CNTN5: variants seen among roughly 807,000 people sequenced by gnomAD.
The protein encoded by CNTN5 is contactin 5.
Under a neutral mutation model 129.1 loss-of-function variants are expected in CNTN5, and 77 were observed. That is an observed-to-expected ratio of 0.60 (90% CI 0.50 to 0.72). CNTN5 has a LOEUF of 0.72. CNTN5 is among the 30% of genes least tolerant of loss of function. The pLI is 0.00. For synonymous variants in CNTN5, 509 were observed against 465.6 expected (o/e 1.09, Z -1.20); for missense variants, 1,478 against 1,328.8 (o/e 1.11, Z -1.75).
chr11:99,706,273 C>T (rs946421837), intron 3 of CNTN5, among the ~76,000 whole-genome samples: 9 of 151,288 alleles, frequency 5.9e-5, no homozygotes, highest in African/African-American at 1.9e-4. Context: ...CTGTATTATA[C>T]AGAACTTTAT....
chr11:99,220,971 A>C (rs1860371709), intron 1 of CNTN5, among the ~76,000 whole-genome samples: 1 of 151,960 alleles, frequency 6.6e-6, no homozygotes, highest in African/African-American at 2.4e-5. Flanking sequence ...ACTTGTCCTG[A>C]AATTTATACA....
chr11:99,832,676 C>T (rs1321426451), intron 4 of CNTN5, among the ~76,000 whole-genome samples: 1 of 152,110 alleles, frequency 6.6e-6, no homozygotes, highest in Non-Finnish European at 1.5e-5. Flanking sequence ...ATTTTTCTCA[C>T]CTTGTAACTA....
At chr11:99,452,562 C>T (rs1229517288) in intron 2 of CNTN5, among the ~76,000 whole-genome samples, 3 of 151,876 alleles carry the variant, frequency 2.0e-5, no homozygotes, top group East Asian at 1.9e-4. Context: ...TTAGTAGAGA[C>T]GAGGTTTCAC....
chr11:99,448,111 G>C (rs2135178509), intron 2 of CNTN5, among the ~76,000 whole-genome samples: 1 of 151,998 alleles, frequency 6.6e-6, no homozygotes, highest in Non-Finnish European at 1.5e-5. Flanking sequence ...CTATATATTT[G>C]AATTTCATCA....
intron 18 of CNTN5, among the ~76,000 whole-genome samples, chr11:100,286,270 A>T (rs537410974): frequency 0.013 from 1,957 of 152,080 alleles, 33 homozygotes; most frequent in African/African-American, 0.042. Context: ...CAAGGAGGCC[A>T]GCCTGCCTCT....
At chr11:99,790,178 T>G (rs1266031915) in intron 3 of CNTN5, among the ~76,000 whole-genome samples, 1 of 152,060 alleles carries the variant, frequency 6.6e-6, no homozygotes, top group East Asian at 1.9e-4. Context: ...CACATTTTCT[T>G]TTTTAAAATT....
chr11:99,941,169 T>C (rs902705637), intron 7 of CNTN5, among the ~76,000 whole-genome samples: 23 of 152,034 alleles, frequency 1.5e-4, no homozygotes, highest in Non-Finnish European at 2.9e-4. Context: ...ACGGGACCTA[T>C]ACAATTTAGC....
chr11:99,549,452 T>G lies in CNTN5; in HGVS notation c.-70-6693T>G, dbSNP rs1948410513. On this transcript the variant is annotated intron_variant, in intron 2 of 24. Coordinates refer to ENST00000524871, the MANE Select transcript of CNTN5 (RefSeq NM_014361.4). ...CCCACTTCCAAAGCAGCCATATACA[T>G]AAATCTGAAGTACATTGAGAATTGC... Among the ~76,000 whole-genome samples the G allele has an allele frequency of 2.0e-5, 3 of 152,160 alleles. No homozygotes were observed. The South Asian group carries it at 6.2e-4, about 31-fold the overall frequency.
intron 18 of CNTN5, among the ~76,000 whole-genome samples, chr11:100,291,989 T>C (rs1218599260): frequency 2.0e-5 from 3 of 151,834 alleles, no homozygotes; most frequent in Non-Finnish European, 2.9e-5. Flanking sequence ...CTAAGCACTT[T>C]TACGTACTAG....
intron 1 of CNTN5, among the ~76,000 whole-genome samples, chr11:99,038,767 C>T (rs1220426235): frequency 6.6e-6 from 1 of 151,700 alleles, no homozygotes; most frequent in Admixed American, 6.6e-5. Flanking sequence ...TTTACAATCT[C>T]TTATATAGTA....
Position 99,565,280 on chromosome 11 carries a change from A to G in CNTN5, c.55+9011A>G, listed in dbSNP as rs531656403. Among the ~76,000 whole-genome samples, 17 of 152,256 alleles carry G rather than the reference A, an allele frequency of 1.1e-4. No individual in the cohort carries two copies. In the East Asian group the frequency reaches 3.3e-3, roughly 29 times the overall value. ...GAAGTGCCCTTATCTGACTGAGGAA[A>G]TTTCTTCCAAAAGAAATGCAATTGT... On this transcript the variant is annotated intron_variant, in intron 3 of 24. Transcript: ENST00000524871.
chr11:99,744,504 G>A (rs1024539714), intron 3 of CNTN5, among the ~76,000 whole-genome samples: 5 of 127,638 alleles, frequency 3.9e-5, no homozygotes, highest in Non-Finnish European at 6.3e-5. Flanking sequence ...GTTAGCGACC[G>A]ATTGGGCAAC....
At chr11:99,106,541 A>G (rs1867006530) in intron 1 of CNTN5, among the ~76,000 whole-genome samples, 1 of 152,038 alleles carries the variant, frequency 6.6e-6, no homozygotes, top group Non-Finnish European at 1.5e-5. Context: ...TACTACAGTA[A>G]TACATTTGGT....
At chr11:99,936,910 T>C (rs1950328148) in intron 7 of CNTN5, among the ~76,000 whole-genome samples, 1 of 152,186 alleles carries the variant, frequency 6.6e-6, no homozygotes, top group African/African-American at 2.4e-5. Context: ...GGATATGTTA[T>C]AGAAATGTAC....
intron 2 of CNTN5, among the ~76,000 whole-genome samples, chr11:99,491,976 C>T (rs1591156022): frequency 6.6e-6 from 1 of 152,124 alleles, no homozygotes; most frequent in Non-Finnish European, 1.5e-5. Context: ...AGTCATATAA[C>T]CAACTTGAAG....
chr11:100,038,883 C>T (rs1255038360), intron 9 of CNTN5, among the ~76,000 whole-genome samples: 1 of 152,078 alleles, frequency 6.6e-6, no homozygotes, highest in East Asian at 1.9e-4. Flanking sequence ...AGGTGGGTTT[C>T]CTGAATACAG....
intron 2 of CNTN5, among the ~76,000 whole-genome samples, chr11:99,499,174 C>A (rs1379034133): frequency 6.6e-6 from 1 of 152,188 alleles, no homozygotes; most frequent in Non-Finnish European, 1.5e-5. Context: ...TAACACCCCA[C>A]TATTCCCAAA....
At chr11:100,123,700 T>C (rs1404446571) in intron 13 of CNTN5, among the ~76,000 whole-genome samples, 1 of 152,060 alleles carries the variant, frequency 6.6e-6, no homozygotes. Context: ...AAAAGATATC[T>C]AGCTTTGAGT....
At chr11:99,079,297 A>G (rs1865701447) in intron 1 of CNTN5, among the ~76,000 whole-genome samples, 1 of 152,212 alleles carries the variant, frequency 6.6e-6, no homozygotes, top group Non-Finnish European at 1.5e-5. Flanking sequence ...GAAATACTGT[A>G]TTAAGACTTC....
Sources: gnomAD v4.1 joint callset for allele counts (sites outside exome capture counted in the v4.1 genomes callset) on GRCh38, gnomAD v4.1.1 for gene constraint, MANE v1.5 for transcripts, NCBI Gene and HGNC (gene_info 2026-07-23, HGNC 2026-07-21) for gene names.